Variants in CHN2 observed in about 807,000 individuals in gnomAD.
CHN2 encodes chimerin 2, also known as beta-chimaerin.
CHN2 carries 35 observed loss-of-function variants against 56.3 expected under a neutral mutation model. The ratio of observed to expected loss-of-function variants is 0.62; its 90% CI spans 0.47 to 0.82. CHN2 has a LOEUF of 0.82. Among genes scored for constraint, CHN2 ranks in the 40% least tolerant of loss-of-function variants. The probability of loss-of-function intolerance (pLI) is 0.00; values close to 1 mark genes in which losing one functional copy is unlikely to be tolerated. For missense variants in CHN2, 491 were observed against 580.5 expected (o/e 0.85, Z 1.58); for synonymous variants, 210 against 212.8 (o/e 0.99, Z 0.12).
At chr7:29,337,984 C>A (rs560672599) in intron 1 of CHN2, among the ~76,000 whole-genome samples, 60 of 152,274 alleles carry the variant, frequency 3.9e-4, no homozygotes, top group African/African-American at 1.4e-3. Context: ...CAGGAGGCTT[C>A]AAGAATCAGA....
chr7:29,403,427 C>T (rs1366174120), intron 6 of CHN2, among the ~76,000 whole-genome samples: 1 of 152,146 alleles, frequency 6.6e-6, no homozygotes, highest in Non-Finnish European at 1.5e-5. Context: ...GACACACCAG[C>T]ATTTCCGTTT....
Position 29,244,290 on chromosome 7 carries a change from A to C in CHN2, c.49+49300A>C, listed in dbSNP as rs1218132295. 4.6e-5 allele frequency among the ~76,000 whole-genome samples: 7 copies of C among 152,120 alleles called. No homozygotes were observed. In the East Asian group the frequency reaches 7.7e-4, roughly 17 times the overall value. ...GAGGTGGCCCTGGGTAACCCCTCTC[A>C]TTGGCTGGTGACAGAATGTCTAAGA... On this transcript the variant is annotated intron_variant, in intron 1 of 12. Coordinates refer to ENST00000222792, the MANE Select transcript of CHN2 (RefSeq NM_004067.4).
intron 1 of CHN2, among the ~76,000 whole-genome samples, chr7:29,316,463 TA>T (rs1160807679): frequency 1.3e-5 from 2 of 152,162 alleles, no homozygotes; most frequent in African/African-American, 2.4e-5. Context: ...AATTCCATGG[TA>T]AAAAAGCCTG....
intron 6 of CHN2, among the ~76,000 whole-genome samples, chr7:29,414,668 C>T (rs1347382114): frequency 6.6e-6 from 1 of 152,084 alleles, no homozygotes; most frequent in Non-Finnish European, 1.5e-5. Flanking sequence ...TCACCCTGTC[C>T]CCCAACACAC....
chr7:29,490,124 TTTTG>T (rs200817177), intron 7 of CHN2, among the ~76,000 whole-genome samples: 69 of 146,206 alleles, frequency 4.7e-4, no homozygotes, highest in Non-Finnish European at 4.9e-4. Flanking sequence ...TTTTTTTTTT[TTTTG>T]AAACACCATT....
chr7:29,393,725 A>G lies in CHN2; in HGVS notation c.176+15A>G. 4 of 813,084 alleles carry G rather than the reference A, an allele frequency of 4.9e-6. No individual in the cohort carries two copies. The highest frequency in any genetic ancestry group is 7.2e-6 in the Non-Finnish European group (4 of 551,910). 50.4% of individuals were successfully genotyped at this position (813,084 alleles called of 1,614,324 possible). ...TATGGAAGAGAGTATGTATTATACT[A>G]TTCTTTGTTTTAATAATTTAATAAG... On this transcript the variant is annotated intron_variant, in intron 4 of 12. Coordinates refer to ENST00000222792, the MANE Select transcript of CHN2 (RefSeq NM_004067.4).
At chr7:29,350,329 A>G (rs1234195398) in intron 1 of CHN2, among the ~76,000 whole-genome samples, 4 of 152,130 alleles carry the variant, frequency 2.6e-5, no homozygotes, top group East Asian at 3.9e-4. Context: ...ACGCAAGTTG[A>G]TCTTTGAAAA....
At chr7:29,361,366 G>A (rs1798716948) in intron 2 of CHN2, among the ~76,000 whole-genome samples, 1 of 152,140 alleles carries the variant, frequency 6.6e-6, no homozygotes, top group Admixed American at 6.5e-5. Flanking sequence ...CGTGGTAATT[G>A]ATTGTCATCT....
intron 1 of CHN2, among the ~76,000 whole-genome samples, chr7:29,227,493 C>T (rs531258343): frequency 3.9e-5 from 6 of 152,318 alleles, no homozygotes; most frequent in African/African-American, 1.4e-4. Context: ...AGGTCTGCAG[C>T]TTCCTGAGGT....
chr7:29,288,325 T>C (rs896756140), intron 1 of CHN2, among the ~76,000 whole-genome samples: 1 of 152,196 alleles, frequency 6.6e-6, no homozygotes, highest in Non-Finnish European at 1.5e-5. Flanking sequence ...TTGAAGTGTG[T>C]AAGAGCTTTC....
At chr7:29,233,314 C>T (rs1786867666) in intron 1 of CHN2, among the ~76,000 whole-genome samples, 1 of 152,198 alleles carries the variant, frequency 6.6e-6, no homozygotes, top group Non-Finnish European at 1.5e-5. Context: ...TGCTCCACAG[C>T]GGCAGCTATT....
intron 6 of CHN2, among the ~76,000 whole-genome samples, chr7:29,428,516 T>G (rs1206605284): frequency 1.3e-5 from 2 of 152,140 alleles, no homozygotes; most frequent in African/African-American, 4.8e-5. Flanking sequence ...TCAGACCATT[T>G]CCACAAGGCC....
chr7:29,503,194 A>G (rs1790163855), intron 9 of CHN2, among the ~76,000 whole-genome samples: 1 of 152,180 alleles, frequency 6.6e-6, no homozygotes, highest in Non-Finnish European at 1.5e-5. Context: ...GGGACCCTAA[A>G]CATTATGACT....
At chr7:29,321,999 C>T (rs990753438) in intron 1 of CHN2, among the ~76,000 whole-genome samples, 13 of 152,196 alleles carry the variant, frequency 8.5e-5, no homozygotes, top group Non-Finnish European at 1.6e-4. Context: ...ATAATAGAAA[C>T]ATAAAATAGA....
intron 1 of CHN2, among the ~76,000 whole-genome samples, chr7:29,252,578 G>GTTTTTT (rs545289689): frequency 0.019 from 363 of 19,486 alleles, 119 homozygotes; most frequent in Non-Finnish European, 0.023. Context: ...TGCATTCTTT[G>GTTTTTT]TTTTTTTTTT....
At chr7:29,455,183 C>T (rs1784661885) in intron 6 of CHN2, among the ~76,000 whole-genome samples, 1 of 152,166 alleles carries the variant, frequency 6.6e-6, no homozygotes, top group South Asian at 2.1e-4. Context: ...AATTCCAGCA[C>T]ACCACTAAAA....
Position 29,146,731 on chromosome 7 carries a change from C to CG in CHN2, c.152dup (p.Ala52CysfsTer20), listed in dbSNP as rs1165534433. The CG allele has an allele frequency of 2.8e-5, 44 of 1,550,364 alleles. No individual in the cohort carries two copies. In the Admixed American group the frequency reaches 8.2e-4, roughly 29 times the overall value. Reference sequence around the variant, plus strand: ...CTTAAAAATTAATGAAGAGCATCGGCGGGGTGCCATTCAGGTTGGTTTGTC... The same window carrying CG: ...CTTAAAAATTAATGAAGAGCATCGGCGGGGGTGCCATTCAGGTTGGTTTGTC... On this transcript the variant is annotated frameshift_variant, in exon 1 of 7. Coordinates refer to the CHN2 transcript ENST00000439384. LOFTEE classifies it high-confidence loss of function.
At chr7:29,375,828 C>T (rs186496255) in intron 3 of CHN2, among the ~76,000 whole-genome samples, 138 of 152,286 alleles carry the variant, frequency 9.1e-4, no homozygotes, top group Non-Finnish European at 1.7e-3. Context: ...ACAGCAGCCC[C>T]ATATTAAGTC....
Position 29,507,357 on chromosome 7 carries a change from A to G in CHN2, c.1121A>G (p.Asp374Gly), listed in dbSNP as rs1379575212. ...ITYDTYSKFI[D>G]AAKISNADER... Reference sequence around the variant, plus strand: ...TATGATACCTATTCCAAATTTATAGATGCAGCAAGTAAGTACTTCAAATTA... The same window carrying G: ...TATGATACCTATTCCAAATTTATAGGTGCAGCAAGTAAGTACTTCAAATTA... Residue 374 changes from aspartate (D) to glycine (G), a missense_variant, in exon 11 of 13, where the codon GAT (aspartate) becomes GGT (glycine). Coordinates refer to ENST00000222792, the MANE Select transcript of CHN2 (RefSeq NM_004067.4). The G allele has an allele frequency of 6.2e-7, 1 of 1,604,364 alleles. No individual in the cohort carries two copies. The highest frequency in any genetic ancestry group is 1.1e-5 in the South Asian group (1 of 88,586).
Sources: allele counts gnomAD v4.1 joint callset (sites outside exome capture counted in the v4.1 genomes callset), GRCh38; gene constraint gnomAD v4.1.1; transcripts MANE v1.5; gene names NCBI Gene and HGNC (gene_info 2026-07-23, HGNC 2026-07-21).